Variants in LAMC3 observed in about 807,000 individuals in gnomAD.
The protein encoded by LAMC3 is laminin subunit gamma 3.
In LAMC3, 128 loss-of-function variants were observed where a neutral mutation model predicts 173.8. That is an observed-to-expected ratio of 0.74 (90% CI 0.64 to 0.85). The LOEUF (loss-of-function observed/expected upper bound fraction) is 0.85. Ranked by LOEUF, LAMC3 falls within the 40% of genes least tolerant of loss-of-function variation. The pLI is 0.00. For missense variants in LAMC3, 2,022 were observed against 2,156.0 expected (o/e 0.94, Z 1.23); for synonymous variants, 897 against 909.1 (o/e 0.99, Z 0.24).
chr9:131,078,763 G>A (rs1329077785), intron 22 of LAMC3, among the ~76,000 whole-genome samples: 1 of 152,226 alleles, frequency 6.6e-6, no homozygotes, highest in East Asian at 1.9e-4. Flanking sequence ...GTTCAGGGCT[G>A]TGGAGCTGGG....
chr9:131,061,312 G>A (rs1349050025), intron 13 of LAMC3, 89 bp downstream of exon 13: 2 of 1,166,646 alleles, frequency 1.7e-6, no homozygotes, highest in African/African-American at 3.0e-5. Context: ...TTAGGGCCCT[G>A]GGTTTAGGGT....
At chr9:131,012,160 A>C (rs560672937) in intron 1 of LAMC3, among the ~76,000 whole-genome samples, 45 of 152,122 alleles carry the variant, frequency 3.0e-4, no homozygotes, top group African/African-American at 9.9e-4. Flanking sequence ...CATATAGGAG[A>C]GAGTCCACAA....
intron 23 of LAMC3, among the ~76,000 whole-genome samples, chr9:131,081,460 T>TCCCG (rs1830239400): frequency 1.8e-5 from 1 of 54,194 alleles, no homozygotes. Context: ...CCTCCCTCCC[T>TCCCG]CCCTTCCTTC....
chr9:131,020,569 G>A (rs1833607340), intron 1 of LAMC3, among the ~76,000 whole-genome samples: 1 of 152,226 alleles, frequency 6.6e-6, no homozygotes, highest in Admixed American at 6.5e-5. Flanking sequence ...GTGTTAAGAA[G>A]GATTCTGAGG....
intron 23 of LAMC3, among the ~76,000 whole-genome samples, chr9:131,080,773 AG>A (rs1229261638): frequency 6.6e-6 from 1 of 152,134 alleles, no homozygotes; most frequent in Non-Finnish European, 1.5e-5. Context: ...CCCAGGAGTC[AG>A]GGCCAGGCCC....
chr9:131,059,346 G>A (rs1291942792), intron 12 of LAMC3, among the ~76,000 whole-genome samples: 1 of 151,192 alleles, frequency 6.6e-6, no homozygotes, highest in Non-Finnish European at 1.5e-5. Context: ...CAAAAAATTA[G>A]CCAGGCGTGG....
At chr9:131,018,952 G>A (rs1470916011) in intron 1 of LAMC3, among the ~76,000 whole-genome samples, 1 of 152,178 alleles carries the variant, frequency 6.6e-6, no homozygotes, top group Non-Finnish European at 1.5e-5. Context: ...GGGCTACTTT[G>A]TCCTGTTCTA....
At position 131,029,582 on chromosome 9, in the gene LAMC3, T is replaced by C. The variant is rs558973672; in HGVS notation, c.679-2463T>C. ...GCAGAGCAGGACAAAGAGAGGCAAG[T>C]CTACCTTGCTCTTTTCTCCTCATGC... On this transcript the variant is annotated intron_variant, in intron 2 of 27. Coordinates refer to ENST00000361069, the MANE Select transcript of LAMC3 (RefSeq NM_006059.4). This position sits in a 1 kb window ranked among gnomAD's most constrained non-coding sequence, Gnocchi z 4.6. 6.6e-6 allele frequency among the ~76,000 whole-genome samples: 1 copy of C among 152,346 alleles called. No homozygotes were observed. The highest frequency in any genetic ancestry group is 2.1e-4 in the South Asian group (1 of 4,824).
At chr9:131,053,210 G>A (rs1353622617) in intron 11 of LAMC3, among the ~76,000 whole-genome samples, 1 of 152,186 alleles carries the variant, frequency 6.6e-6, no homozygotes, top group Non-Finnish European at 1.5e-5. Context: ...TGAAGGATGG[G>A]CCTCAGAGGC....
chr9:131,046,890 G>C (rs1297605495), intron 8 of LAMC3, among the ~76,000 whole-genome samples: 3 of 152,112 alleles, frequency 2.0e-5, no homozygotes, highest in Non-Finnish European at 2.9e-5. Flanking sequence ...GGCGGCCCCA[G>C]ACATGAGGGC....
chr9:131,061,210 C>T lies in LAMC3; in HGVS notation c.2334C>T (p.Pro778=). The change falls in exon 13 of 28, where the codon CCC becomes CCT. Residue 778 remains proline, a synonymous_variant. Coordinates refer to ENST00000361069, the MANE Select transcript of LAMC3 (RefSeq NM_006059.4). ...GGGAGGTGGTGTGTACCCACTGCCC[C>T]CCGGGCCAGAGAGGTAAGTGACTCC... is the stretch of plus-strand genomic sequence containing the variant. The part of the protein sequence containing the change: ...ESREVVCTHC[P]PGQRGRRCEV... 6.2e-7 allele frequency: 1 copy of T among 1,607,636 alleles called. No homozygotes were observed. The highest frequency in any genetic ancestry group is 1.1e-5 in the South Asian group (1 of 90,994).
chr9:131,022,193 T>A (rs771544181), intron 1 of LAMC3, among the ~76,000 whole-genome samples: 1 of 138,006 alleles, frequency 7.2e-6, no homozygotes, highest in Non-Finnish European at 1.6e-5. Context: ...ATGGGAGTCA[T>A]AAGCCAGGAG....
At chr9:131,087,692 C>T (rs1488830568) in intron 26 of LAMC3, 26 bp from the exon 27 acceptor site, 32 of 1,613,760 alleles carry the variant, frequency 2.0e-5, no homozygotes, top group African/African-American at 4.0e-5. Context: ...GCCATTCAAG[C>T]TGTTTCTTCC....
intron 13 of LAMC3, among the ~76,000 whole-genome samples, chr9:131,065,614 G>C (rs1009326169): frequency 6.6e-6 from 1 of 152,162 alleles, no homozygotes; most frequent in African/African-American, 2.4e-5. Context: ...ATGAGGTGAT[G>C]ATAAAGATAA....
chr9:131,038,449 T>C (rs1833983852), intron 4 of LAMC3, among the ~76,000 whole-genome samples: 1 of 152,154 alleles, frequency 6.6e-6, no homozygotes, highest in Non-Finnish European at 1.5e-5. Flanking sequence ...ACTTGTGCTT[T>C]CTGTACCCCT....
chr9:131,079,394 G>A, intron 23 of LAMC3, 96 bp downstream of exon 23: 1 of 1,467,658 alleles, frequency 6.8e-7, no homozygotes, highest in Non-Finnish European at 9.4e-7. Context: ...GAAGGGCAGA[G>A]ACAGAAGTAG....
chr9:131,065,520 G>A (rs1457053657), intron 13 of LAMC3, among the ~76,000 whole-genome samples: 4 of 152,194 alleles, frequency 2.6e-5, no homozygotes, highest in Admixed American at 2.6e-4. Context: ...ACATTGGATG[G>A]TGACAATGAA....
At chr9:131,051,363 T>G (rs2133278580) in intron 9 of LAMC3, among the ~76,000 whole-genome samples, 1 of 62,714 alleles carries the variant, frequency 1.6e-5, no homozygotes, top group South Asian at 8.1e-4. Flanking sequence ...AATTTTACCA[T>G]TCTTTTTTTT....
Position 131,045,804 on chromosome 9 carries a change from T to G in LAMC3, c.1519+144T>G, listed in dbSNP as rs1834144172. The stretch of plus-strand genomic sequence containing the variant: ...TGCACAGCCTAGGTGGGGTCGGGGG[T>G]GAGATGATGGCTCCCCAGTGCCCAC... On this transcript the variant is annotated intron_variant, in intron 8 of 27. Transcript: ENST00000361069. 1.6e-5 allele frequency: 17 copies of G among 1,036,842 alleles called. No individual in the cohort carries two copies. In the South Asian group the frequency reaches 2.0e-4, roughly 12 times the overall value. The allele number at this position is 1,036,842 out of a possible 1,614,324, so 64.2% of individuals were successfully genotyped here. A position where few individuals can be genotyped will look rare whatever the true frequency, so the allele number is the denominator to read the frequency against.
Sources: gnomAD v4.1 joint callset for allele counts (sites outside exome capture counted in the v4.1 genomes callset) on GRCh38, gnomAD v4.1.1 for gene constraint, Gnocchi (gnomAD v3.1) non-coding constraint, MANE v1.5 for transcripts, NCBI Gene and HGNC (gene_info 2026-07-23, HGNC 2026-07-21) for gene names.